Variants in SESTD1 observed in about 807,000 individuals in gnomAD.
SESTD1 encodes SEC14 domain and spectrin repeat-containing protein 1.
Under a neutral mutation model 101.7 loss-of-function variants are expected in SESTD1, and 43 were observed. That is an observed-to-expected ratio of 0.42 (90% CI 0.33 to 0.55). The LOEUF (loss-of-function observed/expected upper bound fraction) is 0.55. SESTD1 is among the 20% of genes least tolerant of loss of function. The probability of loss-of-function intolerance (pLI) is 0.07; values close to 1 mark genes in which losing one functional copy is unlikely to be tolerated. For synonymous variants in SESTD1, 283 were observed against 286.8 expected (o/e 0.99, Z 0.13); for missense variants, 647 against 815.1 (o/e 0.79, Z 2.51).
At chr2:179,153,156 A>T (rs2045561777) in intron 5 of SESTD1, among the ~76,000 whole-genome samples, 2 of 152,248 alleles carry the variant, frequency 1.3e-5, no homozygotes, top group Non-Finnish European at 2.9e-5. Flanking sequence ...GAATAGACAT[A>T]TTCCTATTAA....
intron 5 of SESTD1, among the ~76,000 whole-genome samples, chr2:179,160,791 T>C (rs1387929693): frequency 6.7e-6 from 1 of 149,822 alleles, no homozygotes; most frequent in Non-Finnish European, 1.5e-5. Context: ...TCATACACTC[T>C]CCATATCATT....
Position 179,151,342 on chromosome 2 carries a change from T to C in SESTD1, c.419A>G (p.Gln140Arg). Residue 140 changes from glutamine to arginine, a missense_variant, in exon 6 of 18, where the codon CAA (glutamine) becomes CGA (arginine). Coordinates refer to ENST00000428443, the MANE Select transcript of SESTD1 (RefSeq NM_178123.5). ...NKLTRYIEPC[Q>R]LTEDFGGSLT... is the part of the protein sequence containing the mutation. Reference sequence around the variant, plus strand: ...ACTCCCACCAAAATCTTCTGTTAATTGGCATGGTTCTATATAACGAGTCAA... The same window carrying C: ...ACTCCCACCAAAATCTTCTGTTAATCGGCATGGTTCTATATAACGAGTCAA... 6.2e-7 allele frequency: 1 copy of C among 1,609,724 alleles called. No homozygotes were observed. Among genetic ancestry groups the C allele is most frequent in the Non-Finnish European group, 8.5e-7 (1 of 1,178,122 alleles).
chr2:179,243,889 C>A (rs78758361), intron 1 of SESTD1, among the ~76,000 whole-genome samples: 8,489 of 151,198 alleles, frequency 0.056, 304 homozygotes, highest in South Asian at 0.11. Flanking sequence ...TACATATGTA[C>A]CCCATGAATC....
chr2:179,243,769 T>TG (rs2047188269), intron 1 of SESTD1, among the ~76,000 whole-genome samples: 1 of 114,660 alleles, frequency 8.7e-6, no homozygotes, highest in African/African-American at 3.3e-5. Context: ...AGAGGGTGGG[T>TG]GGGGGCTAAG....
chr2:179,247,934 TAAGG>T (rs1320683945), intron 1 of SESTD1, among the ~76,000 whole-genome samples: 1 of 151,890 alleles, frequency 6.6e-6, no homozygotes, highest in Non-Finnish European at 1.5e-5. Flanking sequence ...GGAACATAGC[TAAGG>T]CAATGCTGAA....
chr2:179,215,958 T>C (rs541934105), intron 1 of SESTD1, among the ~76,000 whole-genome samples: 1 of 135,138 alleles, frequency 7.4e-6, no homozygotes, highest in East Asian at 2.0e-4. Context: ...TGCTAAAAAC[T>C]CTCAATACTA....
chr2:179,210,198 A>G lies in SESTD1; in HGVS notation c.-25-18332T>C, dbSNP rs1440298927. On this transcript the variant is annotated intron_variant, in intron 1 of 17. Coordinates refer to ENST00000428443, the MANE Select transcript of SESTD1 (RefSeq NM_178123.5). ...GTAGTAAGATTGAAACAGTAATTTA[A>G]AAATTCCAACGAAAGAAGTTGAGGA... Among the ~76,000 whole-genome samples, 5 of 134,658 alleles carry G rather than the reference A, an allele frequency of 3.7e-5. 1 individual carries two copies. The highest frequency in any genetic ancestry group is 5.9e-5 in the African/African-American group (2 of 34,064). The allele number at this position is 134,658 out of a possible 152,430, so 88.3% of individuals were successfully genotyped here. A position where few individuals can be genotyped will look rare whatever the true frequency, so the allele number is the denominator to read the frequency against.
intron 1 of SESTD1, among the ~76,000 whole-genome samples, chr2:179,210,032 C>G (rs368965692): frequency 7.6e-6 from 1 of 132,438 alleles, no homozygotes; most frequent in Non-Finnish European, 1.6e-5. Context: ...GATATTATAA[C>G]CGAGATCATT....
intron 5 of SESTD1, among the ~76,000 whole-genome samples, chr2:179,158,360 T>C (rs2045669341): frequency 1.3e-5 from 2 of 152,168 alleles, no homozygotes; most frequent in Non-Finnish European, 2.9e-5. Flanking sequence ...AGCCTTACCA[T>C]ATGTATTCCT....
chr2:179,241,621 T>C (rs893506960), intron 1 of SESTD1, among the ~76,000 whole-genome samples: 13 of 10,470 alleles, frequency 1.2e-3, no homozygotes, highest in African/African-American at 2.7e-3. Flanking sequence ...AAGACTCTCA[T>C]CTTTAAAAAA....
intron 1 of SESTD1, among the ~76,000 whole-genome samples, chr2:179,239,572 G>GC (rs1210441961): frequency 6.6e-6 from 1 of 152,088 alleles, no homozygotes. Flanking sequence ...AAATGTGAGA[G>GC]CCCCAGTTCA....
intron 1 of SESTD1, among the ~76,000 whole-genome samples, chr2:179,192,485 C>T (rs1186349940): frequency 6.6e-6 from 1 of 152,180 alleles, no homozygotes; most frequent in Non-Finnish European, 1.5e-5. Flanking sequence ...CATCTCTCTA[C>T]ATTTTACAGT....
At chr2:179,258,640 G>A (rs1369374270) in intron 1 of SESTD1, among the ~76,000 whole-genome samples, 2 of 152,126 alleles carry the variant, frequency 1.3e-5, no homozygotes, top group Non-Finnish European at 2.9e-5. Flanking sequence ...AGCTGCTGAA[G>A]AACTGTACTT....
At chr2:179,135,684 C>T (rs192028332) in intron 9 of SESTD1, among the ~76,000 whole-genome samples, 23 of 152,176 alleles carry the variant, frequency 1.5e-4, no homozygotes, top group African/African-American at 5.3e-4. Flanking sequence ...GCCTGGGAGG[C>T]GGAGGTTGCA....
Position 179,117,633 on chromosome 2 carries a change from A to G in SESTD1, c.1443-20T>C, listed in dbSNP as rs991726915. The stretch of plus-strand genomic sequence containing the variant: ...TCACATCTAATGAACCCAAACATAA[A>G]TTTAACTCATCATTTCTGTTTTATT... On this transcript the variant is annotated intron_variant, in intron 13 of 17. Coordinates refer to ENST00000428443, the MANE Select transcript of SESTD1 (RefSeq NM_178123.5). 4 of 1,541,508 alleles carry G rather than the reference A, an allele frequency of 2.6e-6. No homozygotes were observed. The highest frequency in any genetic ancestry group is 2.6e-6 in the Non-Finnish European group (3 of 1,151,396).
intron 1 of SESTD1, among the ~76,000 whole-genome samples, chr2:179,212,835 G>A (rs1471812326): frequency 1.5e-5 from 2 of 134,970 alleles, no homozygotes; most frequent in Admixed American, 1.4e-4. Flanking sequence ...AGCCTCCGCT[G>A]GTGATACCCA....
chr2:179,149,059 CAAAAAAAAAAAAAAA>C (rs66636048), intron 7 of SESTD1, among the ~76,000 whole-genome samples: 65 of 60,412 alleles, frequency 1.1e-3, no homozygotes, highest in East Asian at 3.2e-3. Context: ...GACTCCGTCT[CAAAAAAAAAAAAAAA>C]AAAAAAAAAA....
chr2:179,177,565 G>C (rs1307178084), intron 3 of SESTD1, among the ~76,000 whole-genome samples: 1 of 152,146 alleles, frequency 6.6e-6, no homozygotes, highest in Non-Finnish European at 1.5e-5. Flanking sequence ...AAGGCTCTTG[G>C]AGAAGTCATG....
chr2:179,225,323 TA>T (rs1559151044), intron 1 of SESTD1, among the ~76,000 whole-genome samples: 2 of 152,178 alleles, frequency 1.3e-5, no homozygotes, highest in Non-Finnish European at 2.9e-5. Flanking sequence ...CTCTAAGTTA[TA>T]TAAATTCTCA....
Sources: gnomAD v4.1 joint callset for allele counts (sites outside exome capture counted in the v4.1 genomes callset) on GRCh38, gnomAD v4.1.1 for gene constraint, MANE v1.5 for transcripts, NCBI Gene and HGNC (gene_info 2026-07-23, HGNC 2026-07-21) for gene names.